Variants in STXBP5 observed in about 807,000 individuals in gnomAD.
The protein encoded by STXBP5 is syntaxin binding protein 5.
Under a neutral mutation model 152.4 loss-of-function variants are expected in STXBP5, and 50 were observed. That is an observed-to-expected ratio of 0.33 (90% CI 0.26 to 0.42). The LOEUF is 0.42. STXBP5 is among the 10% of genes least tolerant of loss of function. The probability of loss-of-function intolerance (pLI) is 1.00; values close to 1 mark genes in which losing one functional copy is unlikely to be tolerated. For synonymous variants in STXBP5, 492 were observed against 494.7 expected, an observed-to-expected ratio of 0.99 and a Z score of 0.07; for missense variants, 1,167 against 1,388.6, an observed-to-expected ratio of 0.84 and a Z score of 2.54.
intron 4 of STXBP5, among the ~76,000 whole-genome samples, chr6:147,247,925 A>G (rs1031978932): frequency 7.2e-5 from 11 of 152,208 alleles, no homozygotes; most frequent in Admixed American, 2.6e-4. Context: ...ATATAAAAAG[A>G]CATTAAAAGA....
chr6:147,251,001 G>A (rs901312857), intron 4 of STXBP5, among the ~76,000 whole-genome samples: 7 of 144,972 alleles, frequency 4.8e-5, no homozygotes, highest in Non-Finnish European at 7.5e-5. Flanking sequence ...AAAGAAGGCC[G>A]AATAGAATAG....
At chr6:147,222,528 A>G (rs1403227696) in intron 2 of STXBP5, among the ~76,000 whole-genome samples, 1 of 152,080 alleles carries the variant, frequency 6.6e-6, no homozygotes, top group Non-Finnish European at 1.5e-5. Flanking sequence ...AGATGGCTAA[A>G]GTGGGCTGGA....
At chr6:147,227,864 A>G (rs1562422446) in intron 2 of STXBP5, among the ~76,000 whole-genome samples, 2 of 151,988 alleles carry the variant, frequency 1.3e-5, no homozygotes, top group South Asian at 4.2e-4. Context: ...TTTTGAGTAC[A>G]TTTCCTTTCT....
chr6:147,346,316 G>A (rs1784326648), intron 21 of STXBP5, among the ~76,000 whole-genome samples: 1 of 152,170 alleles, frequency 6.6e-6, no homozygotes, highest in Non-Finnish European at 1.5e-5. Context: ...AGTGTACAGA[G>A]TACAAGCCAG....
intron 2 of STXBP5, among the ~76,000 whole-genome samples, chr6:147,228,045 A>G (rs992232425): frequency 2.0e-5 from 3 of 152,016 alleles, no homozygotes; most frequent in Non-Finnish European, 2.9e-5. Context: ...AAGCTGGGCC[A>G]GTGTTGTTTA....
At chr6:147,267,678 T>C (rs985264887) in intron 7 of STXBP5, among the ~76,000 whole-genome samples, 90 of 152,122 alleles carry the variant, frequency 5.9e-4, no homozygotes, top group Middle Eastern at 3.4e-3. Flanking sequence ...TAACATGTTT[T>C]TTTGTTTTTT....
At chr6:147,286,342 G>A (rs1310268273) in intron 8 of STXBP5, among the ~76,000 whole-genome samples, 1 of 152,060 alleles carries the variant, frequency 6.6e-6, no homozygotes, top group East Asian at 1.9e-4. Flanking sequence ...ATTAAGACAG[G>A]ATTCAATGTT....
intron 4 of STXBP5, among the ~76,000 whole-genome samples, chr6:147,249,786 C>T (rs1052268886): frequency 2.6e-5 from 4 of 152,136 alleles, no homozygotes; most frequent in East Asian, 3.9e-4. Flanking sequence ...ACTAAAAACC[C>T]GTTAAAGATC....
At position 147,363,400 on chromosome 6, in the gene STXBP5, A is replaced by T. The variant is rs773773826; in HGVS notation, c.2611A>T (p.Ile871Leu). The T allele has an allele frequency of 2.9e-5, 46 of 1,613,936 alleles. No individual in the cohort carries two copies. Among genetic ancestry groups the T allele is most frequent in the Non-Finnish European group, 3.8e-5 (45 of 1,180,012 alleles). The change falls in exon 24 of 28, where the codon ATA becomes TTA. Residue 871 changes from isoleucine to leucine, a missense_variant. Transcript: ENST00000321680. ...MAFLDTTGCL[I>L]PPAYEPWREH... Reference sequence around the variant, plus strand: ...ATTTCTGGATACCACAGGCTGCTTAATACCACCTGCGTATGAACCCTGGAG... The same window carrying T: ...ATTTCTGGATACCACAGGCTGCTTATTACCACCTGCGTATGAACCCTGGAG...
At chr6:147,289,724 A>G (rs1781180605) in intron 8 of STXBP5, among the ~76,000 whole-genome samples, 1 of 152,040 alleles carries the variant, frequency 6.6e-6, no homozygotes, top group African/African-American at 2.4e-5. Context: ...TTTATTTAAC[A>G]ATCAGCAAAA....
intron 25 of STXBP5, among the ~76,000 whole-genome samples, chr6:147,368,145 G>T (rs1300805759): frequency 6.6e-6 from 1 of 151,974 alleles, no homozygotes; most frequent in Non-Finnish European, 1.5e-5. Flanking sequence ...TTGCTTCCCA[G>T]CTTATTCTAT....
chr6:147,351,576 C>G (rs1283973106), intron 21 of STXBP5, among the ~76,000 whole-genome samples: 1 of 152,140 alleles, frequency 6.6e-6, no homozygotes, highest in African/African-American at 2.4e-5. Flanking sequence ...ACAAGAACAA[C>G]CATGTATGTG....
intron 23 of STXBP5, among the ~76,000 whole-genome samples, chr6:147,361,121 G>T (rs1189489771): frequency 6.6e-6 from 1 of 152,178 alleles, no homozygotes; most frequent in East Asian, 1.9e-4. Context: ...AAATAAACTG[G>T]AAAGTTGAAA....
intron 2 of STXBP5, among the ~76,000 whole-genome samples, chr6:147,213,434 A>ATGTGTGTGTGTGTGTGTGTGTGTG (rs1159372834): frequency 3.5e-5 from 3 of 85,594 alleles, no homozygotes; most frequent in African/African-American, 1.3e-4. Flanking sequence ...AATTTTATAT[A>ATGTGTGTGTGTGTGTGTGTGTGTG]TGTGTGTGTG....
At chr6:147,298,191 G>A (rs1173653117) in intron 9 of STXBP5, among the ~76,000 whole-genome samples, 1 of 151,976 alleles carries the variant, frequency 6.6e-6, no homozygotes, top group South Asian at 2.1e-4. Context: ...AAATGAGCAG[G>A]TTTATAAAAT....
chr6:147,259,808 T>G (rs572766632), intron 4 of STXBP5, among the ~76,000 whole-genome samples: 8 of 152,006 alleles, frequency 5.3e-5, no homozygotes, highest in Admixed American at 5.2e-4. Context: ...AAATAAGTGC[T>G]ATGAAAAGGA....
intron 2 of STXBP5, among the ~76,000 whole-genome samples, chr6:147,217,779 G>A (rs1777249936): frequency 6.6e-6 from 1 of 152,160 alleles, no homozygotes; most frequent in Non-Finnish European, 1.5e-5. Context: ...CAAAAAAGCA[G>A]TTGACCGACC....
rs1456937685 is a variant in STXBP5, at chr6:147,324,857, ATATT to A, written c.1803-99_1803-96del. The A allele has an allele frequency of 6.6e-6, 7 of 1,054,936 alleles. No homozygotes were observed. In the African/African-American group the frequency reaches 1.0e-4, roughly 15 times the overall value. The allele number at this position is 1,054,936 out of a possible 1,614,324, so 65.3% of individuals were successfully genotyped here. A position where few individuals can be genotyped will look rare whatever the true frequency, so the allele number is the denominator to read the frequency against. ...TAGAAAACAGGATTCTGATTTTTAT[ATATT>A]TAAGTATCTAGTATCGTTTCATATA... On this transcript the variant is annotated intron_variant, in intron 16 of 27. Coordinates refer to ENST00000321680, the MANE Select transcript of STXBP5 (RefSeq NM_001127715.4).
chr6:147,374,589 C>T (rs775786091), intron 26 of STXBP5, among the ~76,000 whole-genome samples: 13 of 151,768 alleles, frequency 8.6e-5, no homozygotes, highest in Non-Finnish European at 1.8e-4. Context: ...AAATTTATAA[C>T]GTTATATAAA....
Sources: gnomAD v4.1 joint callset for allele counts (sites outside exome capture counted in the v4.1 genomes callset) on GRCh38, gnomAD v4.1.1 for gene constraint, MANE v1.5 for transcripts, NCBI Gene and HGNC (gene_info 2026-07-23, HGNC 2026-07-21) for gene names.